KCNH5: variants seen among roughly 807,000 people sequenced by gnomAD.
The protein encoded by KCNH5 is voltage-gated delayed rectifier potassium channel KCNH5.
KCNH5 carries 46 observed loss-of-function variants against 96.1 expected under a neutral mutation model. That is an observed-to-expected ratio of 0.48 (90% confidence interval 0.38 to 0.61). The LOEUF (loss-of-function observed/expected upper bound fraction) is 0.61. Ranked by LOEUF, KCNH5 falls within the 20% of genes least tolerant of loss-of-function variation. The pLI is 0.00. For missense variants in KCNH5, 907 were observed against 1,225.8 expected (o/e 0.74, Z 3.88); for synonymous variants, 439 against 449.8 (o/e 0.98, Z 0.30).
At chr14:62,875,285 C>G (rs561796708) in intron 7 of KCNH5, among the ~76,000 whole-genome samples, 226 of 151,780 alleles carry the variant, frequency 1.5e-3, no homozygotes, top group African/African-American at 5.1e-3. Flanking sequence ...TTTATAGATT[C>G]AATGCCATCC....
chr14:62,718,716 A>C (rs1156477944), intron 10 of KCNH5, among the ~76,000 whole-genome samples: 3 of 152,230 alleles, frequency 2.0e-5, no homozygotes, highest in Non-Finnish European at 4.4e-5. Context: ...TATATAGCCA[A>C]GAGAATTGAA....
At chr14:62,785,935 G>A (rs771018631) in intron 9 of KCNH5, among the ~76,000 whole-genome samples, 2 of 152,056 alleles carry the variant, frequency 1.3e-5, no homozygotes, top group African/African-American at 2.4e-5. Context: ...GCTCATGCCT[G>A]TAATCCCAGC....
chr14:62,740,667 A>C (rs569432449), intron 10 of KCNH5, among the ~76,000 whole-genome samples: 2 of 152,288 alleles, frequency 1.3e-5, no homozygotes, highest in East Asian at 3.9e-4. Flanking sequence ...TTCCATTCAT[A>C]TATTTTGATG....
chr14:63,028,424 C>T (rs1012400969), intron 1 of KCNH5, among the ~76,000 whole-genome samples: 10 of 152,118 alleles, frequency 6.6e-5, no homozygotes, highest in African/African-American at 2.4e-4. Context: ...TACATGTTAT[C>T]CCTAATCAGG....
chr14:62,803,869 T>C (rs1481659312), intron 8 of KCNH5, among the ~76,000 whole-genome samples: 2 of 152,206 alleles, frequency 1.3e-5, no homozygotes, highest in Non-Finnish European at 2.9e-5. Context: ...TGATTTTCTT[T>C]GATCGGATTT....
chr14:62,825,813 G>A (rs243162), intron 8 of KCNH5, among the ~76,000 whole-genome samples: 47,752 of 148,988 alleles, frequency 0.32, 8,545 homozygotes, highest in South Asian at 0.57. Flanking sequence ...TTTATCCTTC[G>A]TTCTCTTGCT....
intron 7 of KCNH5, among the ~76,000 whole-genome samples, chr14:62,875,587 C>G (rs111694833): frequency 0.032 from 4,849 of 152,204 alleles, 267 homozygotes; most frequent in African/African-American, 0.11. Flanking sequence ...CTTTTACACT[C>G]TTGGTGGGAA....
At chr14:62,878,479 A>T (rs1888428161) in intron 7 of KCNH5, among the ~76,000 whole-genome samples, 1 of 152,172 alleles carries the variant, frequency 6.6e-6, no homozygotes, top group Non-Finnish European at 1.5e-5. Flanking sequence ...CTTCTTGACA[A>T]TTTAAACTTT....
intron 1 of KCNH5, among the ~76,000 whole-genome samples, chr14:63,022,403 G>A (rs11624927): frequency 0.047 from 7,184 of 152,144 alleles, 200 homozygotes; most frequent in East Asian, 0.062. Flanking sequence ...ACCTCTGTGG[G>A]AGTCCTTCAA....
In KCNH5 at chr14:62,822,329, C is replaced by T. The variant is rs1419463798; in HGVS notation, c.1570-19748G>A. ...TAGAAGACCTAAGACCACTGAAAAACGATTAAGGAGGAGAAATCACTCTAT... is the reference window on the plus strand; with the variant it reads ...TAGAAGACCTAAGACCACTGAAAAATGATTAAGGAGGAGAAATCACTCTAT... On this transcript the variant is annotated intron_variant, in intron 8 of 10. Coordinates refer to ENST00000322893, the MANE Select transcript of KCNH5 (RefSeq NM_139318.5). Among the ~76,000 whole-genome samples the T allele has an allele frequency of 4.0e-5, 6 of 151,898 alleles. No individual in the cohort carries two copies. The South Asian group carries it at 6.2e-4, about 16-fold the overall frequency.
intron 7 of KCNH5, among the ~76,000 whole-genome samples, chr14:62,856,373 T>C (rs548747133): frequency 4.0e-4 from 61 of 152,358 alleles, no homozygotes; most frequent in African/African-American, 1.3e-3. Flanking sequence ...CTTCCTTTTA[T>C]AAATCTTGCC....
intron 10 of KCNH5, among the ~76,000 whole-genome samples, chr14:62,771,354 C>T (rs191057766): frequency 3.6e-4 from 55 of 152,228 alleles, no homozygotes; most frequent in African/African-American, 1.1e-3. Flanking sequence ...AGGCCAGGCG[C>T]GGTGGCTCAC....
At chr14:62,847,747 A>C (rs188428415) in intron 8 of KCNH5, among the ~76,000 whole-genome samples, 13 of 152,120 alleles carry the variant, frequency 8.5e-5, no homozygotes, top group Non-Finnish European at 1.6e-4. Flanking sequence ...CTATTACTCC[A>C]TTTTCCTTGG....
At chr14:62,851,357 T>C (rs1887800717) in intron 7 of KCNH5, among the ~76,000 whole-genome samples, 2 of 152,026 alleles carry the variant, frequency 1.3e-5, no homozygotes, top group Non-Finnish European at 2.9e-5. Context: ...ATTTTAATAG[T>C]TCAAAATAAA....
At chr14:62,853,153 T>C (rs1417340278) in intron 7 of KCNH5, among the ~76,000 whole-genome samples, 1 of 152,114 alleles carries the variant, frequency 6.6e-6, no homozygotes, top group African/African-American at 2.4e-5. Context: ...ATCTGATCCA[T>C]CAACAATTCC....
At chr14:62,809,326 A>G (rs1032116468) in intron 8 of KCNH5, among the ~76,000 whole-genome samples, 2 of 152,118 alleles carry the variant, frequency 1.3e-5, no homozygotes, top group Non-Finnish European at 2.9e-5. Flanking sequence ...GAAATTGGTT[A>G]TTTTACCAAG....
At chr14:62,936,939 C>A (rs1437719803) in intron 7 of KCNH5, among the ~76,000 whole-genome samples, 1 of 139,814 alleles carries the variant, frequency 7.2e-6, no homozygotes, top group Non-Finnish European at 1.5e-5. Context: ...GGAGATCACA[C>A]CATTGCACTC....
chr14:62,713,004 C>T (rs1884604484), intron 10 of KCNH5, among the ~76,000 whole-genome samples: 1 of 152,158 alleles, frequency 6.6e-6, no homozygotes, highest in Non-Finnish European at 1.5e-5. Flanking sequence ...TTTCCCTGGA[C>T]TCTGACATCA....
chr14:62,981,648 T>A (rs375528704), intron 5 of KCNH5, among the ~76,000 whole-genome samples: 10 of 152,282 alleles, frequency 6.6e-5, no homozygotes, highest in African/African-American at 2.4e-4. Context: ...ATTTAGCACC[T>A]CAGGAAGCAT....
Sources: allele counts gnomAD v4.1 joint callset (sites outside exome capture counted in the v4.1 genomes callset), GRCh38; gene constraint gnomAD v4.1.1; transcripts MANE v1.5; gene names NCBI Gene and HGNC (gene_info 2026-07-23, HGNC 2026-07-21).